PGM5: variants seen among roughly 807,000 people sequenced by gnomAD.
PGM5 encodes phosphoglucomutase 5, also known as phosphoglucomutase-like protein 5.
Under a neutral mutation model 59.2 loss-of-function variants are expected in PGM5, and 23 were observed. That is an observed-to-expected ratio of 0.39 (90% CI 0.28 to 0.55). PGM5 has a LOEUF of 0.55. Ranked by LOEUF, PGM5 falls within the 20% of genes least tolerant of loss-of-function variation. The pLI is 0.66. For missense variants in PGM5, 574 were observed against 748.3 expected (o/e 0.77, Z 2.72); for synonymous variants, 214 against 286.0 (o/e 0.75, Z 2.54).
intron 1 of PGM5, among the ~76,000 whole-genome samples, chr9:68,373,703 C>A (rs2080577437): frequency 6.6e-6 from 1 of 152,102 alleles, no homozygotes; most frequent in Non-Finnish European, 1.5e-5. Flanking sequence ...ATAAATAAAC[C>A]TGAAATGTAG....
intron 2 of PGM5, among the ~76,000 whole-genome samples, chr9:68,378,975 T>G (rs1412971054): frequency 2.0e-5 from 3 of 152,178 alleles, no homozygotes; most frequent in Non-Finnish European, 4.4e-5. Context: ...ATTATCTTGT[T>G]TTTCTATTTT....
chr9:68,490,202 C>T (rs1554687793), intron 9 of PGM5, among the ~76,000 whole-genome samples: 1 of 152,214 alleles, frequency 6.6e-6, no homozygotes, highest in East Asian at 1.9e-4. Flanking sequence ...TGAAGCAGCT[C>T]ACTAAGGTGT....
chr9:68,453,299 G>A lies in PGM5; in HGVS notation c.1044-11794G>A, dbSNP rs117049341. 1.2e-4 allele frequency among the ~76,000 whole-genome samples: 18 copies of A among 152,200 alleles called. No individual in the cohort carries two copies. The East Asian group carries it at 3.3e-3, about 28-fold the overall frequency. ...CCAACCCTTTGTATGTAATTCCTTT[G>A]GAAATTCATCCACCATCGCTTAATT... is the stretch of plus-strand genomic sequence containing the variant. On this transcript the variant is annotated intron_variant, in intron 6 of 10. Coordinates refer to ENST00000396396, the MANE Select transcript of PGM5 (RefSeq NM_021965.4).
At chr9:68,502,247 T>G (rs1186193661) in intron 10 of PGM5, among the ~76,000 whole-genome samples, 1 of 152,120 alleles carries the variant, frequency 6.6e-6, no homozygotes, top group African/African-American at 2.4e-5. Context: ...AAATACAAGT[T>G]TATTTTAATT....
intron 6 of PGM5, among the ~76,000 whole-genome samples, chr9:68,413,196 T>C (rs1363606427): frequency 6.6e-6 from 1 of 152,190 alleles, no homozygotes; most frequent in Non-Finnish European, 1.5e-5. Context: ...TGTCTGGCTA[T>C]CTTCATTTCT....
At chr9:68,381,601 A>G (rs1301929748) in intron 2 of PGM5, among the ~76,000 whole-genome samples, 1 of 151,298 alleles carries the variant, frequency 6.6e-6, no homozygotes, top group Non-Finnish European at 1.5e-5. Flanking sequence ...TACAGATGAT[A>G]TGATCCTATA....
Position 68,376,815 on chromosome 9 carries a change from T to TTCTTTCTTTC in PGM5, c.262-1382_262-1373dup, listed in dbSNP as rs1563984749. On this transcript the variant is annotated intron_variant, in intron 1 of 10. Transcript: ENST00000396396. Reference sequence around the variant, plus strand: ...TTTCTTTCTTTCTTTCTTTCTTTCTTTCTTTCTTTCTTTCTTTCTCTTTCT... The same window carrying TTCTTTCTTTC: ...TTTCTTTCTTTCTTTCTTTCTTTCTTTCTTTCTTTCTCTTTCTTTCTTTCTTTCTCTTTCT... 2.1e-3 allele frequency among the ~76,000 whole-genome samples: 213 copies of TTCTTTCTTTC among 103,126 alleles called. 1 individual carries two copies. Among genetic ancestry groups the TTCTTTCTTTC allele is most frequent in the African/African-American group, 8.6e-3 (197 of 22,944 alleles). The allele number at this position is 103,126 out of a possible 152,430, so 67.7% of individuals were successfully genotyped here.
intron 10 of PGM5, among the ~76,000 whole-genome samples, chr9:68,508,082 C>A (rs1461525980): frequency 1.3e-5 from 2 of 152,180 alleles, no homozygotes; most frequent in Non-Finnish European, 2.9e-5. Context: ...CCCTGTGTAT[C>A]CACACTCCAC....
chr9:68,389,658 AT>A (rs536812406), intron 4 of PGM5, among the ~76,000 whole-genome samples: 3 of 152,102 alleles, frequency 2.0e-5, no homozygotes, highest in Non-Finnish European at 4.4e-5. Context: ...GTTAATGAAA[AT>A]TAGATTTCTT....
At chr9:68,528,530 C>G (rs573906499) in intron 10 of PGM5, among the ~76,000 whole-genome samples, 36 of 152,314 alleles carry the variant, frequency 2.4e-4, no homozygotes, top group Non-Finnish European at 5.1e-4. Context: ...AGCCACCACG[C>G]GTGGCCAATA....
At chr9:68,400,306 T>A (rs1249056170) in intron 6 of PGM5, among the ~76,000 whole-genome samples, 2 of 152,134 alleles carry the variant, frequency 1.3e-5, no homozygotes, top group Non-Finnish European at 2.9e-5. Flanking sequence ...TATGAACACT[T>A]CACTCCTGCA....
intron 6 of PGM5, among the ~76,000 whole-genome samples, chr9:68,416,122 C>T (rs1563999598): frequency 6.6e-6 from 1 of 152,144 alleles, no homozygotes; most frequent in Non-Finnish European, 1.5e-5. Context: ...TGAGGAATTC[C>T]TTCCACAAAT....
intron 6 of PGM5, among the ~76,000 whole-genome samples, chr9:68,454,490 G>C (rs1474528664): frequency 6.6e-6 from 1 of 152,208 alleles, no homozygotes; most frequent in African/African-American, 2.4e-5. Flanking sequence ...CTCAAAAATA[G>C]TTTGTTATGG....
intron 6 of PGM5, among the ~76,000 whole-genome samples, chr9:68,456,552 G>A (rs891904159): frequency 4.0e-5 from 6 of 148,632 alleles, no homozygotes; most frequent in Non-Finnish European, 5.9e-5. Flanking sequence ...ATCTCCTGAC[G>A]TCATGAGCCG....
chr9:68,492,235 T>G (rs1824404219), intron 9 of PGM5, among the ~76,000 whole-genome samples: 1 of 152,166 alleles, frequency 6.6e-6, no homozygotes, highest in African/African-American at 2.4e-5. Flanking sequence ...GGGGTGGATA[T>G]TGTGTGAACA....
At chr9:68,368,681 G>T (rs1834727119) in intron 1 of PGM5, among the ~76,000 whole-genome samples, 1 of 150,864 alleles carries the variant, frequency 6.6e-6, no homozygotes, top group South Asian at 2.1e-4. Context: ...TTCTTGTTCT[G>T]TCATCCAGGC....
At chr9:68,384,854 G>T (rs1213881752) in intron 3 of PGM5, among the ~76,000 whole-genome samples, 2 of 149,678 alleles carry the variant, frequency 1.3e-5, no homozygotes, top group Non-Finnish European at 1.5e-5. Flanking sequence ...AGCAATTAAG[G>T]TGAAGATGCT....
intron 1 of PGM5, among the ~76,000 whole-genome samples, chr9:68,369,430 TCACCTCATAAAATGGCAACAAGTGGAGC>T (rs2131981293): frequency 6.6e-6 from 1 of 152,256 alleles, no homozygotes; most frequent in African/African-American, 2.4e-5. Context: ...GCTGGGGTGG[TCACCTCATAAAATGGCAACAAGTGGAGC>T]CCTTTCTTGT....
chr9:68,376,475 CTGTG>C (rs71353047), intron 1 of PGM5, among the ~76,000 whole-genome samples: 5,964 of 129,522 alleles, frequency 0.046, 250 homozygotes, highest in African/African-American at 0.12. Context: ...TGCTTTTGAG[CTGTG>C]TGTGTGTGTG....
Sources: gnomAD v4.1 joint callset for allele counts (sites outside exome capture counted in the v4.1 genomes callset) on GRCh38, gnomAD v4.1.1 for gene constraint, MANE v1.5 for transcripts, NCBI Gene and HGNC (gene_info 2026-07-23, HGNC 2026-07-21) for gene names.